The following HMGN5 variants were observed in gnomAD, a reference collection of about 807,000 sequenced individuals.
HMGN5 encodes the protein high mobility group nucleosome binding domain 5, also known as high mobility group nucleosome-binding domain-containing protein 5.
In HMGN5, 4 loss-of-function variants were observed where a neutral mutation model predicts 9.5. The observed-to-expected ratio is 0.42, with a 90% CI of 0.21 to 0.96. The LOEUF is 0.96. HMGN5 is among the 40% of genes least tolerant of loss of function. HMGN5 has a pLI of 0.30. For synonymous variants in HMGN5, 55 were observed against 57.1 expected (o/e 0.96, Z 0.16); for missense variants, 192 against 187.5 (o/e 1.02, Z -0.14).
chrX:81,157,268 C>T (rs763328027), intron 1 of HMGN5, among the ~76,000 whole-genome samples: 19 of 111,882 alleles, frequency 1.7e-4, no homozygotes, highest in African/African-American at 5.9e-4. Flanking sequence ...GTGGGCCTGG[C>T]ACACTTTTAC....
chrX:81,151,787 T>C lies in HMGN5; in HGVS notation c.-123-30115A>G, dbSNP rs1337497929. ...TGTATAAGAATGCTTGTGATTTTTGTACATTGATTTTATATCCTGAGACTT... is the reference window on the plus strand; with the variant it reads ...TGTATAAGAATGCTTGTGATTTTTGCACATTGATTTTATATCCTGAGACTT... On this transcript the variant is annotated intron_variant, in intron 1 of 6. Coordinates refer to ENST00000358130, the MANE Select transcript of HMGN5 (RefSeq NM_030763.3). Among the ~76,000 whole-genome samples the C allele has an allele frequency of 9.0e-5, 10 of 110,646 alleles. No individual in the cohort carries two copies. The East Asian group carries it at 2.8e-3, about 31-fold the overall frequency.
chrX:81,185,170 T>C (rs1260992186), intron 1 of HMGN5, among the ~76,000 whole-genome samples: 3 of 112,200 alleles, frequency 2.7e-5, no homozygotes. Context: ...ATTGTTACAT[T>C]GACAGATATT....
chrX:81,170,053 CAAAAAA>C (rs397896203), intron 1 of HMGN5, among the ~76,000 whole-genome samples: 2 of 34,796 alleles, frequency 5.7e-5, no homozygotes, highest in African/African-American at 1.8e-4. Flanking sequence ...GACCCCGTCT[CAAAAAA>C]AAAAAAAAAA....
At chrX:81,187,170 G>T (rs1246714195) in intron 1 of HMGN5, among the ~76,000 whole-genome samples, 1 of 111,700 alleles carries the variant, frequency 9.0e-6, no homozygotes, top group Non-Finnish European at 1.9e-5. Flanking sequence ...TGTGTATTCT[G>T]CAGCCACTGG....
At chrX:81,147,170 C>A (rs1341354731) in intron 1 of HMGN5, among the ~76,000 whole-genome samples, 1 of 111,773 alleles carries the variant, frequency 8.9e-6, no homozygotes, top group East Asian at 2.8e-4. Context: ...CATCCTGATA[C>A]CAAAACCTGC....
At chrX:81,201,369 A>G (rs1288530674) in intron 1 of HMGN5, among the ~76,000 whole-genome samples, 1 of 111,116 alleles carries the variant, frequency 9.0e-6, no homozygotes, top group African/African-American at 3.3e-5. Flanking sequence ...CATCTGCAAT[A>G]TGTTCTCCCA....
intron 1 of HMGN5, among the ~76,000 whole-genome samples, chrX:81,185,976 T>A (rs1164997722): frequency 8.9e-6 from 1 of 112,005 alleles, no homozygotes; most frequent in Non-Finnish European, 1.9e-5. Context: ...TACTTGGTGA[T>A]CATGAATGAT....
intron 1 of HMGN5, among the ~76,000 whole-genome samples, chrX:81,178,699 T>C (rs1281814371): frequency 1.8e-5 from 2 of 112,074 alleles, no homozygotes; most frequent in Non-Finnish European, 3.8e-5. Context: ...TAACTCATTT[T>C]GTGAGGCCAA....
At chrX:81,159,458 T>G (rs1351057871) in intron 1 of HMGN5, among the ~76,000 whole-genome samples, 1 of 111,371 alleles carries the variant, frequency 9.0e-6, no homozygotes, top group Non-Finnish European at 1.9e-5. Flanking sequence ...TATCAATACG[T>G]GTAGTGCTTC....
intron 1 of HMGN5, among the ~76,000 whole-genome samples, chrX:81,134,312 A>G (rs1035969532): frequency 9.0e-6 from 1 of 111,430 alleles, no homozygotes; most frequent in Non-Finnish European, 1.9e-5. Context: ...GAGTGTTCCA[A>G]TGAGTTTTGG....
intron 1 of HMGN5, among the ~76,000 whole-genome samples, chrX:81,184,306 A>G (rs1305553679): frequency 9.0e-6 from 1 of 111,629 alleles, no homozygotes; most frequent in East Asian, 2.8e-4. Flanking sequence ...TGCTCTGGCC[A>G]AGTAAGACAT....
intron 1 of HMGN5, among the ~76,000 whole-genome samples, chrX:81,155,309 G>T (rs1381854484): frequency 9.6e-6 from 1 of 104,264 alleles, no homozygotes; most frequent in African/African-American, 3.5e-5. Context: ...ATAAATTAGA[G>T]ATATTAGAAA....
intron 1 of HMGN5, among the ~76,000 whole-genome samples, chrX:81,134,192 G>A (rs1360595475): frequency 9.0e-6 from 1 of 111,198 alleles, no homozygotes; most frequent in Non-Finnish European, 1.9e-5. Flanking sequence ...TAGAAATCAT[G>A]CTATGTACTG....
chrX:81,163,653 T>C (rs1356056616), intron 1 of HMGN5, among the ~76,000 whole-genome samples: 1 of 112,074 alleles, frequency 8.9e-6, no homozygotes, highest in Non-Finnish European at 1.9e-5. Context: ...GTCAGTATTC[T>C]TCAACCTTTC....
At chrX:81,200,760 A>G (rs142317922) in intron 1 of HMGN5, among the ~76,000 whole-genome samples, 4,950 of 110,535 alleles carry the variant, frequency 0.045, 282 homozygotes, top group African/African-American at 0.16. Context: ...TAATGTAAAC[A>G]ACGAGTTGAT....
chrX:81,199,316 T>C (rs1328642266), intron 1 of HMGN5, among the ~76,000 whole-genome samples: 2 of 111,963 alleles, frequency 1.8e-5, no homozygotes, highest in Non-Finnish European at 3.8e-5. Flanking sequence ...AAGTAACTTA[T>C]AGATTCAATG....
At chrX:81,198,677 GC>G (rs1167128432) in intron 1 of HMGN5, among the ~76,000 whole-genome samples, 1 of 111,428 alleles carries the variant, frequency 9.0e-6, no homozygotes, top group Non-Finnish European at 1.9e-5. Context: ...AAATTTAACA[GC>G]CCTTCATGCT....
chrX:81,173,900 A>G (rs2075433953), intron 1 of HMGN5, among the ~76,000 whole-genome samples: 1 of 111,310 alleles, frequency 9.0e-6, no homozygotes, highest in Non-Finnish European at 1.9e-5. Flanking sequence ...ATTTTATTGC[A>G]TTTATCGTTA....
chrX:81,134,039 C>T (rs6652980), intron 1 of HMGN5, among the ~76,000 whole-genome samples: 1 of 110,917 alleles, frequency 9.0e-6, no homozygotes, highest in East Asian at 2.8e-4. Context: ...TCCAGGAGTA[C>T]AATAAATGAA....
Sources: gnomAD v4.1 joint callset for allele counts (sites outside exome capture counted in the v4.1 genomes callset) on GRCh38, gnomAD v4.1.1 for gene constraint, MANE v1.5 for transcripts, NCBI Gene and HGNC (gene_info 2026-07-23, HGNC 2026-07-21) for gene names.